The following ENOX2 variants were observed in gnomAD, a reference collection of about 807,000 sequenced individuals.
The protein encoded by ENOX2 is ecto-NOX disulfide-thiol exchanger 2, also known as APK1 antigen.
A neutral mutation model predicts 45.0 loss-of-function variants in ENOX2; 36 were observed. The ratio of observed to expected loss-of-function variants is 0.80; its 90% CI spans 0.61 to 1.06. ENOX2 has a LOEUF of 1.06. Among genes scored for constraint, ENOX2 ranks in the 50% least tolerant of loss-of-function variants. The pLI is 0.00. For missense variants in ENOX2, 423 were observed against 462.5 expected (o/e 0.91, Z 0.78); for synonymous variants, 174 against 152.3 (o/e 1.14, Z -1.05).
chrX:130,817,064 C>T, intron 2 of ENOX2, among the ~76,000 whole-genome samples: 1 of 111,948 alleles, frequency 8.9e-6, no homozygotes, highest in South Asian at 3.7e-4. Flanking sequence ...CAAACAGACA[C>T]AATAAAACTG....
intron 2 of ENOX2, among the ~76,000 whole-genome samples, chrX:130,796,634 A>G (rs2077133661): frequency 8.9e-6 from 1 of 112,302 alleles, no homozygotes; most frequent in Admixed American, 9.4e-5. Context: ...TATAGCATTC[A>G]CTGACAAAAG....
chrX:130,841,015 A>G (rs1418809609), intron 2 of ENOX2, among the ~76,000 whole-genome samples: 1 of 112,076 alleles, frequency 8.9e-6, no homozygotes, highest in East Asian at 2.8e-4. Context: ...TTGGCTTCTA[A>G]TTGGAGAAAC....
At chrX:130,710,613 A>G (rs1394933690) in intron 3 of ENOX2, among the ~76,000 whole-genome samples, 1 of 111,923 alleles carries the variant, frequency 8.9e-6, no homozygotes, top group African/African-American at 3.3e-5. Flanking sequence ...ATCCTGCTCT[A>G]CTGTAACAAT....
At chrX:130,731,436 T>C (rs778244921) in intron 3 of ENOX2, among the ~76,000 whole-genome samples, 18 of 112,045 alleles carry the variant, frequency 1.6e-4, no homozygotes, top group Admixed American at 2.8e-4. Context: ...ATAGTCTCAA[T>C]TGATTTTTGA....
chrX:130,687,807 C>T (rs2037486103), intron 5 of ENOX2, among the ~76,000 whole-genome samples: 1 of 111,785 alleles, frequency 8.9e-6, no homozygotes, highest in African/African-American at 3.3e-5. Context: ...ATGATCTATC[C>T]AACCAACCTG....
chrX:130,876,050 C>T (rs2078694850), intron 2 of ENOX2, among the ~76,000 whole-genome samples: 1 of 111,642 alleles, frequency 9.0e-6, no homozygotes, highest in African/African-American at 3.3e-5. Context: ...TTGCCACCTC[C>T]TCAAAAGGTT....
At position 130,635,092 on chromosome X, in the gene ENOX2, CT is replaced by C; in HGVS notation, c.1312-2del. The C allele has an allele frequency of 9.3e-7, 1 of 1,069,866 alleles. No individual in the cohort carries two copies. The highest frequency in any genetic ancestry group is 1.3e-6 in the Non-Finnish European group (1 of 777,100). 88.2% of individuals were successfully genotyped at this position (1,069,866 alleles called of 1,213,427 possible). ...ATTCCTCTTGGACTTTGAGTAGATG[CT>C]ACAAGAAAAGACCAAAGACAATCAA... On this transcript the variant is annotated splice_acceptor_variant, in intron 11 of 14. Coordinates refer to ENST00000394363, the MANE Select transcript of ENOX2 (RefSeq NM_006375.4). LOFTEE classifies it high-confidence loss of function.
chrX:130,885,491 C>G (rs1387741406), intron 2 of ENOX2, among the ~76,000 whole-genome samples: 1 of 111,973 alleles, frequency 8.9e-6, no homozygotes, highest in Non-Finnish European at 1.9e-5. Flanking sequence ...CACTATCATT[C>G]AGTAACCAAC....
chrX:130,631,375 G>A lies in ENOX2; in HGVS notation c.1528+93C>T, dbSNP rs1404890376. 23 of 522,432 alleles carry A rather than the reference G, an allele frequency of 4.4e-5. No individual in the cohort carries two copies. The East Asian group carries it at 7.7e-4, about 17-fold the overall frequency. 43.1% of individuals were successfully genotyped at this position (522,432 alleles called of 1,213,427 possible). ...TCTTGCGCTGCCATGCTTCATAAAT[G>A]CTTGGCATGTGCTTATTAATCTTAG... On this transcript the variant is annotated intron_variant, in intron 13 of 14. Transcript: ENST00000394363.
intron 2 of ENOX2, among the ~76,000 whole-genome samples, chrX:130,859,577 AT>A (rs1306674407): frequency 8.9e-6 from 1 of 111,986 alleles, no homozygotes; most frequent in Non-Finnish European, 1.9e-5. Context: ...TTCAGGCACA[AT>A]GGACTACACA....
At chrX:130,704,880 A>G (rs1490843251) in intron 3 of ENOX2, among the ~76,000 whole-genome samples, 2 of 111,957 alleles carry the variant, frequency 1.8e-5, no homozygotes, top group Non-Finnish European at 1.9e-5. Flanking sequence ...TGATTTCTCC[A>G]TCTGTAGGAA....
At chrX:130,746,041 C>T (rs2039090372) in intron 3 of ENOX2, among the ~76,000 whole-genome samples, 1 of 112,166 alleles carries the variant, frequency 8.9e-6, no homozygotes, top group Admixed American at 9.4e-5. Flanking sequence ...TTCTCTGCAG[C>T]CTGTGATGAA....
intron 2 of ENOX2, among the ~76,000 whole-genome samples, chrX:130,811,471 G>C (rs1322500427): frequency 2.7e-5 from 3 of 112,496 alleles, no homozygotes; most frequent in East Asian, 5.6e-4. Flanking sequence ...GCTGACCCAG[G>C]CACCAGGCCA....
chrX:130,700,848 G>T (rs1026253733), intron 4 of ENOX2, among the ~76,000 whole-genome samples: 1 of 111,691 alleles, frequency 9.0e-6, no homozygotes, highest in African/African-American at 3.3e-5. Flanking sequence ...GGGTAACACA[G>T]TAAGTGGCAG....
At chrX:130,698,588 C>T (rs1381361094) in intron 4 of ENOX2, among the ~76,000 whole-genome samples, 1 of 111,821 alleles carries the variant, frequency 8.9e-6, no homozygotes, top group Non-Finnish European at 1.9e-5. Flanking sequence ...CAGTGCTCTC[C>T]TTTCTCAGGA....
chrX:130,806,926 C>G (rs2077310707), intron 2 of ENOX2, among the ~76,000 whole-genome samples: 1 of 112,284 alleles, frequency 8.9e-6, no homozygotes, highest in African/African-American at 3.2e-5. Flanking sequence ...AAGTGTTAAA[C>G]TGGTCTCAGG....
At chrX:130,732,706 A>ACG (rs2038766854) in intron 3 of ENOX2, among the ~76,000 whole-genome samples, 1 of 110,710 alleles carries the variant, frequency 9.0e-6, no homozygotes, top group Non-Finnish European at 1.9e-5. Context: ...ATTCACACAC[A>ACG]CACACACACA....
At chrX:130,782,557 A>G (rs1181751583) in intron 3 of ENOX2, among the ~76,000 whole-genome samples, 1 of 112,032 alleles carries the variant, frequency 8.9e-6, no homozygotes, top group Non-Finnish European at 1.9e-5. Context: ...ATATTTAACA[A>G]ATATCTTGAT....
intron 3 of ENOX2, among the ~76,000 whole-genome samples, chrX:130,733,914 C>A (rs1043601943): frequency 9.0e-6 from 1 of 111,503 alleles, no homozygotes; most frequent in Non-Finnish European, 1.9e-5. Flanking sequence ...GGGACCTCTC[C>A]GAATTATTTC....
Sources: allele counts gnomAD v4.1 joint callset (sites outside exome capture counted in the v4.1 genomes callset), GRCh38; gene constraint gnomAD v4.1.1; transcripts MANE v1.5; gene names NCBI Gene and HGNC (gene_info 2026-07-23, HGNC 2026-07-21).